The following SHC3 variants were observed in gnomAD, a reference collection of about 807,000 sequenced individuals.
SHC3 encodes the protein SHC-transforming protein 3.
In SHC3, 15 loss-of-function variants were observed where a neutral mutation model predicts 60.4. The observed-to-expected ratio is 0.25, with a 90% confidence interval of 0.17 to 0.38. The LOEUF is 0.38. Among genes scored for constraint, SHC3 ranks in the 10% least tolerant of loss-of-function variants. SHC3 has a pLI of 1.00. For synonymous variants in SHC3, 294 were observed against 325.9 expected (o/e 0.90, Z 1.05); for missense variants, 677 against 786.1 (o/e 0.86, Z 1.66).
rs559205736 is a variant in SHC3, at chr9:89,079,721, C to T, written c.546-1818G>A. Among the ~76,000 whole-genome samples, 6 of 152,290 alleles carry T rather than the reference C, an allele frequency of 3.9e-5. No individual in the cohort carries two copies. The South Asian group carries it at 1.2e-3, about 32-fold the overall frequency. On this transcript the variant is annotated intron_variant, in intron 2 of 11. Coordinates refer to ENST00000375835, the MANE Select transcript of SHC3 (RefSeq NM_016848.6). ...ATTACAAAGCTCTGAAAACTGTTAACATTTCTTTCCAATACCTTTTCACAC... is the reference window on the plus strand; with the variant it reads ...ATTACAAAGCTCTGAAAACTGTTAATATTTCTTTCCAATACCTTTTCACAC...
intron 2 of SHC3, among the ~76,000 whole-genome samples, chr9:89,111,134 T>C (rs566778663): frequency 6.6e-6 from 1 of 152,158 alleles, no homozygotes; most frequent in South Asian, 2.1e-4. Context: ...GTGTGCACAA[T>C]CAGCAGTAGA....
At chr9:89,118,532 G>C (rs1348946282) in intron 1 of SHC3, among the ~76,000 whole-genome samples, 1 of 151,784 alleles carries the variant, frequency 6.6e-6, no homozygotes, top group Non-Finnish European at 1.5e-5. Context: ...TGGCTCCCAG[G>C]AGAAATGCAA....
rs150640184 is a variant in SHC3, at chr9:89,042,094, G to A, written c.1292C>T (p.Pro431Leu). 1,430 of 1,598,672 alleles carry A rather than the reference G, an allele frequency of 8.9e-4. 9 individuals are homozygous for A. In the African/African-American group the frequency reaches 0.017, roughly 19 times the overall value. ...GACCGCAGCCGGCCAGGCCTGTGGT[G>A]GGATCTGCTGAGTGTTGACGTAGGT... ...APTYVNTQQIPPQAWPAAVSS... is the reference protein window; with the variant it reads ...APTYVNTQQILPQAWPAAVSS... The change falls in exon 10 of 12, where the codon CCA becomes CTA. Residue 431 changes from proline (P) to leucine (L), a missense_variant. Pro to Leu is a moderately conservative substitution (Grantham distance 98). Transcript: ENST00000375835.
intron 2 of SHC3, chr9:89,108,980 T>C (rs987133693): frequency 1.7e-5 from 14 of 841,136 alleles, no homozygotes; most frequent in Non-Finnish European, 2.0e-5. Flanking sequence ...TGGGCAGTTG[T>C]AATAGAACCT....
rs1824870103 is a variant in SHC3, at chr9:89,052,054, A to G, written c.945T>C (p.Ile315=). 6 of 1,614,002 alleles carry G rather than the reference A, an allele frequency of 3.7e-6. No homozygotes were observed. In the East Asian group the frequency reaches 1.3e-4, roughly 36 times the overall value. ...CTACTCACCGATCATGGAGAGCGGG[A>G]ATCTTGGTAGGACACTGTAAATATT... The part of the protein sequence containing the change: ...FKQYLQCPTK[I]PALHDRMQSL... Residue 315 remains isoleucine (I), a synonymous_variant, in exon 7 of 12, where the codon ATT becomes ATC. Transcript: ENST00000375835.
At chr9:89,017,179 C>T (rs541409266) in intron 11 of SHC3, among the ~76,000 whole-genome samples, 24 of 152,156 alleles carry the variant, frequency 1.6e-4, no homozygotes, top group African/African-American at 4.1e-4. Context: ...AAAAAGAGCC[C>T]ACATAGCCAA....
At chr9:89,135,142 C>G (rs1826300430) in intron 1 of SHC3, among the ~76,000 whole-genome samples, 1 of 152,108 alleles carries the variant, frequency 6.6e-6, no homozygotes, top group South Asian at 2.1e-4. Context: ...ATTAGAGAAA[C>G]TGGTTATTTT....
intron 1 of SHC3, among the ~76,000 whole-genome samples, chr9:89,174,974 G>A (rs1270841599): frequency 6.6e-6 from 1 of 152,194 alleles, no homozygotes; most frequent in African/African-American, 2.4e-5. Context: ...TTGAGTGATT[G>A]GGGTCCTACC....
At chr9:89,015,233 T>G (rs1438702408) in intron 11 of SHC3, among the ~76,000 whole-genome samples, 1 of 152,232 alleles carries the variant, frequency 6.6e-6, no homozygotes, top group African/African-American at 2.4e-5. Context: ...GAGACCAGTA[T>G]TGGGGTGTTG....
At chr9:89,073,525 G>A (rs1825307717) in intron 4 of SHC3, among the ~76,000 whole-genome samples, 2 of 152,128 alleles carry the variant, frequency 1.3e-5, no homozygotes, top group Non-Finnish European at 2.9e-5. Context: ...CTGGAAGGGA[G>A]AGTCAGAACC....
At chr9:89,013,699 C>T (rs1405208364) in intron 11 of SHC3, 124 bp from the exon 12 acceptor site, 7 of 1,355,440 alleles carry the variant, frequency 5.2e-6, no homozygotes, top group Non-Finnish European at 6.9e-6. Context: ...GGACAAGGGG[C>T]TTCCACCACT....
intron 1 of SHC3, among the ~76,000 whole-genome samples, chr9:89,125,277 A>G (rs1480709351): frequency 6.6e-6 from 1 of 151,990 alleles, no homozygotes; most frequent in Non-Finnish European, 1.5e-5. Context: ...TAAATTTCCG[A>G]GTTTGCTTTG....
At chr9:89,035,247 G>C (rs1289449868) in intron 11 of SHC3, among the ~76,000 whole-genome samples, 1 of 152,124 alleles carries the variant, frequency 6.6e-6, no homozygotes, top group East Asian at 1.9e-4. Context: ...CGTTGGGTCT[G>C]ATCTCCCCAA....
Position 89,013,525 on chromosome 9 carries a change from G to C in SHC3, c.1707C>G (p.His569Gln). 1 of 1,614,092 alleles carries C rather than the reference G, an allele frequency of 6.2e-7. No individual in the cohort carries two copies. The highest frequency in any genetic ancestry group is 8.5e-7 in the Non-Finnish European group (1 of 1,179,986). The change falls in exon 12 of 12, where the codon CAC becomes CAG. Residue 569 changes from histidine (H) to glutamine (Q), a missense_variant. By Grantham distance (24) the His-to-Gln change is conservative. Coordinates refer to ENST00000375835, the MANE Select transcript of SHC3 (RefSeq NM_016848.6). ...VFDSISHLIN[H>Q]HLESSLPIVS... is the part of the protein sequence containing the mutation. ...CAATGGGCAGGCTGCTTTCTAGGTG[G>C]TGGTTGATGAGGTGGCTGATACTGT...
chr9:89,012,157 A>G lies in SHC3; in HGVS notation c.*1290T>C, dbSNP rs1826021349. 1.3e-5 allele frequency: 2 copies of G among 152,264 alleles called. No homozygotes were observed. The highest frequency in any genetic ancestry group is 4.8e-5 in the African/African-American group (2 of 41,464). 9.4% of individuals were successfully genotyped at this position (152,264 alleles called of 1,614,324 possible). A position where few individuals can be genotyped will look rare whatever the true frequency, so the allele number is the denominator to read the frequency against. ...TGGATCCATCTATTCTTTAAAGGGC[A>G]TCTGTGAAAATCACAGGGCAATCTC... On this transcript the variant is annotated 3_prime_UTR_variant, in exon 12 of 12. Transcript: ENST00000375835.
intron 1 of SHC3, among the ~76,000 whole-genome samples, chr9:89,167,755 T>C (rs1383028277): frequency 6.6e-6 from 1 of 152,250 alleles, no homozygotes; most frequent in African/African-American, 2.4e-5. Context: ...ATCACATCTA[T>C]AAATTATTAT....
intron 1 of SHC3, among the ~76,000 whole-genome samples, chr9:89,137,950 T>C (rs1469539776): frequency 6.6e-6 from 1 of 152,224 alleles, no homozygotes; most frequent in Non-Finnish European, 1.5e-5. Context: ...ACAAAGACTT[T>C]CCTCTGCAAC....
chr9:89,049,091 C>G (rs1824820763), intron 7 of SHC3, among the ~76,000 whole-genome samples: 1 of 152,156 alleles, frequency 6.6e-6, no homozygotes, highest in East Asian at 1.9e-4. Context: ...GAAATCCCAT[C>G]TCTACTAAAA....
chr9:89,125,352 G>GTT lies in SHC3; in HGVS notation c.475-12728_475-12727dup, dbSNP rs528652104. The stretch of plus-strand genomic sequence containing the variant: ...TTGGTTCTTTAATTGTTTAATGTTA[G>GTT]TTTTTTTTTTTCAATTAAGTCTCCT... On this transcript the variant is annotated intron_variant, in intron 1 of 11. Coordinates refer to ENST00000375835, the MANE Select transcript of SHC3 (RefSeq NM_016848.6). Among the ~76,000 whole-genome samples, 16 of 146,622 alleles carry GTT rather than the reference G, an allele frequency of 1.1e-4. 1 individual carries two copies. The highest frequency in any genetic ancestry group is 7.0e-3 in the Middle Eastern group (2 of 284).
Sources: allele counts gnomAD v4.1 joint callset (sites outside exome capture counted in the v4.1 genomes callset), GRCh38; gene constraint gnomAD v4.1.1; transcripts MANE v1.5; gene names NCBI Gene and HGNC (gene_info 2026-07-23, HGNC 2026-07-21).